GSE1: variants seen among roughly 807,000 people sequenced by gnomAD.
GSE1 encodes genetic suppressor element 1.
GSE1 carries 32 observed loss-of-function variants against 112.6 expected under a neutral mutation model. The observed-to-expected ratio is 0.28, with a 90% CI of 0.21 to 0.38. The LOEUF (loss-of-function observed/expected upper bound fraction) is 0.38, where lower values mean the gene tolerates loss of function less well. GSE1 is among the 10% of genes least tolerant of loss of function. GSE1 has a pLI of 1.00. For synonymous variants in GSE1, 1,115 were observed against 735.6 expected (o/e 1.52, Z -8.35); for missense variants, 2,348 against 1,699.2 (o/e 1.38, Z -6.71).
At chr16:85,240,865 G>T (rs1905114842) in intron 1 of GSE1, among the ~76,000 whole-genome samples, 1 of 152,182 alleles carries the variant, frequency 6.6e-6, no homozygotes, top group Non-Finnish European at 1.5e-5. Flanking sequence ...GGAGCAGAGA[G>T]GCTGGACGCA....
intron 2 of GSE1, among the ~76,000 whole-genome samples, chr16:85,475,223 C>T (rs912666185): frequency 5.9e-5 from 9 of 152,222 alleles, no homozygotes; most frequent in African/African-American, 2.2e-4. Context: ...CAGACCCCAC[C>T]CCACCTCCTG....
intron 2 of GSE1, among the ~76,000 whole-genome samples, chr16:85,647,706 C>T (rs1383175182): frequency 3.3e-5 from 5 of 152,200 alleles, no homozygotes; most frequent in African/African-American, 1.2e-4. Context: ...CCTGCCTCCG[C>T]CTCCCGAGTA....
intron 1 of GSE1, among the ~76,000 whole-genome samples, chr16:85,628,603 C>A (rs1172376472): frequency 6.6e-6 from 1 of 152,186 alleles, no homozygotes; most frequent in Non-Finnish European, 1.5e-5. Flanking sequence ...GCAGGGACAC[C>A]CCAGTTCCCT....
chr16:85,210,271 G>T (rs1181942513), intron 1 of GSE1, among the ~76,000 whole-genome samples: 1 of 152,164 alleles, frequency 6.6e-6, no homozygotes, highest in Admixed American at 6.5e-5. Context: ...GCACAGAGTT[G>T]TTCTTTGCAC....
At chr16:85,663,763 CCT>C in intron 11 of GSE1, 149 bp downstream of exon 11, 2 of 774,788 alleles carry the variant, frequency 2.6e-6, no homozygotes, top group Admixed American at 2.7e-5. Context: ...CCGGGAACAG[CCT>C]CTCTGTTCTT....
chr16:85,170,544 C>T, exon 1 of GSE1: 2 of 985,774 alleles, frequency 2.0e-6, no homozygotes, highest in Non-Finnish European at 2.4e-6. Flanking sequence ...CTTTCCCAGG[C>T]GTCTGCAACC....
chr16:85,626,192 G>C (rs1004453073), intron 1 of GSE1, among the ~76,000 whole-genome samples: 4 of 152,004 alleles, frequency 2.6e-5, no homozygotes, highest in Non-Finnish European at 4.4e-5. Flanking sequence ...GGAGCAAGAA[G>C]ACCTCTCCCC....
chr16:85,221,017 G>C (rs2075382127), intron 1 of GSE1, among the ~76,000 whole-genome samples: 1 of 151,126 alleles, frequency 6.6e-6, no homozygotes, highest in South Asian at 2.1e-4. Flanking sequence ...AGCCTTTGTG[G>C]GGATTCAGCG....
intron 1 of GSE1, among the ~76,000 whole-genome samples, chr16:85,240,633 G>T (rs9936246): frequency 1.3e-5 from 2 of 152,142 alleles, no homozygotes; most frequent in South Asian, 4.1e-4. Flanking sequence ...ACGAGATGGT[G>T]CATGGAGGGG....
At chr16:85,660,138 G>C (rs1202696262) in intron 8 of GSE1, among the ~76,000 whole-genome samples, 1 of 152,242 alleles carries the variant, frequency 6.6e-6, no homozygotes, top group Non-Finnish European at 1.5e-5. Context: ...GAGGGTGCTG[G>C]TGGCAGGGCC....
chr16:85,463,996 G>T (rs1468312640), intron 2 of GSE1, among the ~76,000 whole-genome samples: 1 of 152,130 alleles, frequency 6.6e-6, no homozygotes, highest in African/African-American at 2.4e-5. Flanking sequence ...GCTGGCCTCA[G>T]GACTGCTTCT....
rs538137108 is a variant in GSE1, at chr16:85,418,966, T to C, written c.2464+61323T>C. Among the ~76,000 whole-genome samples the C allele has an allele frequency of 2.0e-4, 30 of 151,974 alleles. No individual in the cohort carries two copies. In the South Asian group the frequency reaches 6.2e-3, roughly 32 times the overall value. On this transcript the variant is annotated intron_variant, in intron 2 of 2. Transcript: ENST00000637419. ...GTTAGTGTTGCCAGGAGGAGCAGGTTTGGGGGTGGGAGAGGCGCTGGAGCT... is the reference window on the plus strand; with the variant it reads ...GTTAGTGTTGCCAGGAGGAGCAGGTCTGGGGGTGGGAGAGGCGCTGGAGCT...
At chr16:85,317,055 C>T (rs1019463633) in intron 1 of GSE1, among the ~76,000 whole-genome samples, 3 of 152,186 alleles carry the variant, frequency 2.0e-5, no homozygotes, top group East Asian at 1.9e-4. Flanking sequence ...GATTCCCTCC[C>T]GTAAAAGTCT....
intron 1 of GSE1, among the ~76,000 whole-genome samples, chr16:85,349,709 C>T (rs750890): frequency 0.79 from 119,981 of 152,088 alleles, 47,717 homozygotes; most frequent in Non-Finnish European, 0.84. Flanking sequence ...GAGGCGACGC[C>T]GTGTTCTTTT....
At chr16:85,500,910 G>A (rs184992791) in intron 2 of GSE1, among the ~76,000 whole-genome samples, 52 of 151,436 alleles carry the variant, frequency 3.4e-4, no homozygotes, top group African/African-American at 6.5e-4. Context: ...GCTGTCTTCC[G>A]TGTGTGTGTC....
chr16:85,513,178 T>C (rs1027351198), intron 2 of GSE1, among the ~76,000 whole-genome samples: 2 of 152,098 alleles, frequency 1.3e-5, no homozygotes, highest in African/African-American at 4.8e-5. Context: ...GCTGCCTCTG[T>C]GTCCTGCCTC....
chr16:85,663,147 C>T (rs767620106), intron 10 of GSE1, 54 bp downstream of exon 10: 9 of 1,322,852 alleles, frequency 6.8e-6, no homozygotes, highest in Middle Eastern at 2.0e-4. Flanking sequence ...TCGTTCCTAG[C>T]GTCCACACCC....
chr16:85,486,630 G>A (rs929851151), intron 2 of GSE1, among the ~76,000 whole-genome samples: 1 of 152,154 alleles, frequency 6.6e-6, no homozygotes, highest in South Asian at 2.1e-4. Context: ...GCCTGCCCTG[G>A]TCCCCAGCCT....
chr16:85,459,224 C>T (rs1365127628), intron 2 of GSE1, among the ~76,000 whole-genome samples: 2 of 152,234 alleles, frequency 1.3e-5, no homozygotes, highest in Non-Finnish European at 2.9e-5. Flanking sequence ...AACGCCACCC[C>T]CAGGCACCCT....
Sources: allele counts gnomAD v4.1 joint callset (sites outside exome capture counted in the v4.1 genomes callset), GRCh38; gene constraint gnomAD v4.1.1; transcripts MANE v1.5; gene names NCBI Gene and HGNC (gene_info 2026-07-23, HGNC 2026-07-21).